Variants in CNTNAP2 observed in about 807,000 individuals in gnomAD.
CNTNAP2 encodes the protein contactin-associated protein-like 2.
CNTNAP2 carries 98 observed loss-of-function variants against 155.2 expected under a neutral mutation model. That is an observed-to-expected ratio of 0.63 (90% CI 0.54 to 0.75). The LOEUF (loss-of-function observed/expected upper bound fraction) is 0.75. Among genes scored for constraint, CNTNAP2 ranks in the 30% least tolerant of loss-of-function variants. The pLI is 0.00. For missense variants in CNTNAP2, 1,727 were observed against 1,688.1 expected (o/e 1.02, Z -0.40); for synonymous variants, 651 against 631.2 (o/e 1.03, Z -0.47).
intron 10 of CNTNAP2, among the ~76,000 whole-genome samples, chr7:147,468,346 ATTC>A (rs1798155797): frequency 6.6e-6 from 1 of 152,194 alleles, no homozygotes; most frequent in Non-Finnish European, 1.5e-5. Context: ...TAGCTTTGGT[ATTC>A]TTGTATACTT....
At chr7:148,402,320 C>CA (rs1799604327) in intron 22 of CNTNAP2, among the ~76,000 whole-genome samples, 1 of 151,358 alleles carries the variant, frequency 6.6e-6, no homozygotes, top group Non-Finnish European at 1.5e-5. Flanking sequence ...TGGCTGGCTA[C>CA]TTTTTTTTTA....
intron 22 of CNTNAP2, among the ~76,000 whole-genome samples, chr7:148,396,746 T>C (rs1327381164): frequency 6.6e-6 from 1 of 152,260 alleles, no homozygotes; most frequent in African/African-American, 2.4e-5. Flanking sequence ...CATAGACTAT[T>C]CAGAAATTCT....
intron 1 of CNTNAP2, among the ~76,000 whole-genome samples, chr7:146,422,100 T>A (rs1408000965): frequency 1.3e-5 from 2 of 151,490 alleles, no homozygotes; most frequent in African/African-American, 4.8e-5. Flanking sequence ...TAAAATTAAT[T>A]CTTATCTCAA....
chr7:147,476,439 A>G (rs1202687317), intron 10 of CNTNAP2, among the ~76,000 whole-genome samples: 1 of 149,114 alleles, frequency 6.7e-6, no homozygotes, highest in Non-Finnish European at 1.5e-5. Flanking sequence ...AGATTTCATC[A>G]TGACTTTTTA....
At chr7:147,617,312 T>C (rs1041016137) in intron 12 of CNTNAP2, among the ~76,000 whole-genome samples, 12 of 152,286 alleles carry the variant, frequency 7.9e-5, no homozygotes, top group Middle Eastern at 6.8e-3. Flanking sequence ...AAGCTTAATG[T>C]CCTCTAACTG....
chr7:147,628,557 CAATTA>C (rs1173077115), intron 12 of CNTNAP2, among the ~76,000 whole-genome samples: 1 of 152,046 alleles, frequency 6.6e-6, no homozygotes, highest in Non-Finnish European at 1.5e-5. Context: ...AACAATAACA[CAATTA>C]AAACAAAACA....
intron 14 of CNTNAP2, among the ~76,000 whole-genome samples, chr7:147,905,974 T>C (rs1431651934): frequency 1.3e-5 from 2 of 150,436 alleles, no homozygotes; most frequent in African/African-American, 4.9e-5. Context: ...AAGGAATCCA[T>C]AACGTCTTGG....
At chr7:147,497,756 G>C (rs185719506) in intron 11 of CNTNAP2, among the ~76,000 whole-genome samples, 31 of 152,280 alleles carry the variant, frequency 2.0e-4, no homozygotes, top group African/African-American at 7.5e-4. Context: ...GAATGACATA[G>C]ATAGAGATTT....
chr7:147,799,834 T>A (rs943324645), intron 13 of CNTNAP2, among the ~76,000 whole-genome samples: 1 of 152,312 alleles, frequency 6.6e-6, no homozygotes, highest in East Asian at 1.9e-4. Context: ...TGGGTCAAGT[T>A]ATCAAGTTTT....
intron 1 of CNTNAP2, among the ~76,000 whole-genome samples, chr7:146,476,669 T>C (rs1054581987): frequency 2.0e-5 from 3 of 152,124 alleles, no homozygotes; most frequent in Non-Finnish European, 2.9e-5. Context: ...TTTGAAACAA[T>C]TGGTTAAGAT....
intron 18 of CNTNAP2, among the ~76,000 whole-genome samples, chr7:148,181,228 G>A (rs900075388): frequency 1.3e-5 from 2 of 152,156 alleles, no homozygotes; most frequent in South Asian, 2.1e-4. Flanking sequence ...ACAATTACAT[G>A]AGCCAATTCC....
At chr7:147,911,177 T>G (rs1050608540) in intron 14 of CNTNAP2, among the ~76,000 whole-genome samples, 1 of 152,100 alleles carries the variant, frequency 6.6e-6, no homozygotes, top group Non-Finnish European at 1.5e-5. Context: ...GAAAATGTGA[T>G]TAAATATAGA....
chr7:146,475,000 C>T (rs1053048754), intron 1 of CNTNAP2, among the ~76,000 whole-genome samples: 4 of 122,512 alleles, frequency 3.3e-5, no homozygotes, highest in African/African-American at 6.2e-5. Context: ...CGAGCGCGCA[C>T]GCGCGCGCGC....
intron 21 of CNTNAP2, among the ~76,000 whole-genome samples, chr7:148,370,260 G>C (rs1051136372): frequency 6.6e-6 from 1 of 152,152 alleles, no homozygotes; most frequent in Non-Finnish European, 1.5e-5. Flanking sequence ...CGGCTCCCCA[G>C]TGCCTCTGGT....
chr7:148,291,337 A>G (rs1390254030), intron 21 of CNTNAP2, among the ~76,000 whole-genome samples: 2 of 151,344 alleles, frequency 1.3e-5, no homozygotes, highest in Admixed American at 1.3e-4. Context: ...ATTATTAAGT[A>G]ATAACTCACA....
intron 8 of CNTNAP2, among the ~76,000 whole-genome samples, chr7:147,172,839 T>C (rs937759522): frequency 6.6e-6 from 1 of 152,188 alleles, no homozygotes; most frequent in Non-Finnish European, 1.5e-5. Flanking sequence ...ACTCCTAGTC[T>C]TGACTACAAG....
At chr7:146,432,043 C>G (rs1369857740) in intron 1 of CNTNAP2, among the ~76,000 whole-genome samples, 3 of 151,950 alleles carry the variant, frequency 2.0e-5, no homozygotes, top group South Asian at 2.1e-4. Context: ...TCATTAAGAA[C>G]AAGAAATCCT....
chr7:146,307,741 A>C (rs1020038572), intron 1 of CNTNAP2, among the ~76,000 whole-genome samples: 9 of 152,186 alleles, frequency 5.9e-5, no homozygotes, highest in African/African-American at 2.2e-4. Context: ...AGGATTCCCT[A>C]TTTAATAAAT....
intron 1 of CNTNAP2, among the ~76,000 whole-genome samples, chr7:146,721,030 A>ATATACT (rs1554472267): frequency 0.03 from 3,945 of 132,878 alleles, 104 homozygotes; most frequent in East Asian, 0.11. Flanking sequence ...TATTATATAT[A>ATATACT]CTCTATATAT....
Sources: allele counts gnomAD v4.1 joint callset (sites outside exome capture counted in the v4.1 genomes callset), GRCh38; gene constraint gnomAD v4.1.1; transcripts MANE v1.5; gene names NCBI Gene and HGNC (gene_info 2026-07-23, HGNC 2026-07-21).